Variants in RUFY1 observed in about 807,000 individuals in gnomAD.
RUFY1 encodes the protein RUN and FYVE domain containing 1.
In RUFY1, 54 loss-of-function variants were observed where a neutral mutation model predicts 94.6. The observed-to-expected ratio is 0.57, with a 90% CI of 0.46 to 0.72. The LOEUF (loss-of-function observed/expected upper bound fraction) is 0.72. Ranked by LOEUF, RUFY1 falls within the 30% of genes least tolerant of loss-of-function variation. The pLI, the probability that RUFY1 is intolerant of heterozygous loss-of-function variation, is 0.00. For missense variants in RUFY1, 883 were observed against 883.9 expected (o/e 1.00, Z 0.01); for synonymous variants, 396 against 347.3 (o/e 1.14, Z -1.56).
At chr5:179,609,274 C>A (rs1767468565) in intron 17 of RUFY1, 102 bp from the exon 18 acceptor site, 2 of 1,229,026 alleles carry the variant, frequency 1.6e-6, no homozygotes, top group Non-Finnish European at 2.3e-6. Context: ...AACATAAGAA[C>A]CCATTCCCAG....
chr5:179,594,190 T>A (rs893355504), intron 11 of RUFY1, among the ~76,000 whole-genome samples: 2 of 151,686 alleles, frequency 1.3e-5, no homozygotes, highest in African/African-American at 4.8e-5. Flanking sequence ...TAATCCCAGA[T>A]ACTCAGAAGG....
Position 179,560,154 on chromosome 5 carries a change from A to T in RUFY1, c.440A>T (p.Gln147Leu), listed in dbSNP as rs754852607. 2.1e-5 allele frequency: 34 copies of T among 1,613,930 alleles called. No homozygotes were observed. The highest frequency in any genetic ancestry group is 5.9e-6 in the Non-Finnish European group (7 of 1,179,998). Residue 147 changes from glutamine (Q) to leucine (L), a missense_variant, in exon 2 of 18, where the codon CAG becomes CTG. By Grantham distance (113) the Gln-to-Leu change is moderately radical. Transcript: ENST00000319449. ...SLDADHAPLQ[Q>L]FFVVMEHCLK... ...GATGCGGACCATGCCCCCTTGCAGC[A>T]GTTCTTTGTAGTGATGGAGCACTGC... is the stretch of plus-strand genomic sequence containing the variant.
chr5:179,570,438 A>T (rs1763141871), intron 5 of RUFY1, among the ~76,000 whole-genome samples: 1 of 152,182 alleles, frequency 6.6e-6, no homozygotes, highest in African/African-American at 2.4e-5. Context: ...AATGGCACAA[A>T]GGAGAGTAAC....
Position 179,609,362 on chromosome 5 carries a change from T to C in RUFY1, c.1984-14T>C, listed in dbSNP as rs1427224513. Reference sequence around the variant, plus strand: ...CCCCGGGTGTCCTGTGACCGCCTTCTTCCCGTCCTGTAGCACCACTGCCGG... The same window carrying C: ...CCCCGGGTGTCCTGTGACCGCCTTCCTCCCGTCCTGTAGCACCACTGCCGG... On this transcript the variant is annotated splice_polypyrimidine_tract_variant and intron_variant, in intron 17 of 17. Transcript: ENST00000319449. 6.2e-7 allele frequency: 1 copy of C among 1,612,370 alleles called. No individual in the cohort carries two copies. Among genetic ancestry groups the C allele is most frequent in the African/African-American group, 1.3e-5 (1 of 75,004 alleles).
intron 1 of RUFY1, chr5:179,559,712 G>C: frequency 9.4e-7 from 1 of 1,067,126 alleles, no homozygotes; most frequent in Middle Eastern, 4.3e-4. Context: ...CCGGGGTTGC[G>C]GGAGAAGCCA....
In RUFY1 at chr5:179,605,208, G is replaced by C. The variant is rs187565415; in HGVS notation, c.1857-668G>C. On this transcript the variant is annotated intron_variant, in intron 15 of 17. Transcript: ENST00000319449. ...GTGAGAGGATCACTTGAGCCCAGGA[G>C]GTCAAGGTTGCAGTGAGCCATGATT... Among the ~76,000 whole-genome samples, 572 of 151,152 alleles carry C rather than the reference G, an allele frequency of 3.8e-3. 1 individual carries two copies. Among genetic ancestry groups the C allele is most frequent in the Non-Finnish European group, 6.5e-3 (439 of 67,856 alleles).
intron 14 of RUFY1, among the ~76,000 whole-genome samples, chr5:179,601,231 C>A (rs886577395): frequency 5.3e-5 from 8 of 150,958 alleles, no homozygotes; most frequent in South Asian, 4.2e-4. Flanking sequence ...TACAGTAGCA[C>A]CATCTCGGCT....
At chr5:179,597,270 C>T (rs1386826081) in intron 13 of RUFY1, among the ~76,000 whole-genome samples, 2 of 151,978 alleles carry the variant, frequency 1.3e-5, no homozygotes, top group Non-Finnish European at 2.9e-5. Context: ...GAGTCTCACT[C>T]TCTTGCCCAG....
intron 6 of RUFY1, among the ~76,000 whole-genome samples, chr5:179,579,583 C>T (rs1293109402): frequency 6.6e-6 from 1 of 151,010 alleles, no homozygotes; most frequent in Admixed American, 6.7e-5. Flanking sequence ...CCATCTGCCT[C>T]AGCCTCCCAA....
chr5:179,605,278 CAAA>C (rs35410796), intron 15 of RUFY1, among the ~76,000 whole-genome samples: 10 of 130,626 alleles, frequency 7.7e-5, no homozygotes, highest in Admixed American at 1.6e-4. Flanking sequence ...GATCCTGTCT[CAAA>C]AAAAAAAAAA....
At position 179,580,241 on chromosome 5, in the gene RUFY1, G is replaced by GTGTGTGTATATATATA. The variant is rs149099074; in HGVS notation, c.891-705_891-704insGTGTGTATATATATAT. 3.4e-4 allele frequency among the ~76,000 whole-genome samples: 32 copies of GTGTGTGTATATATATA among 93,882 alleles called. No individual in the cohort carries two copies. The East Asian group carries it at 5.3e-3, about 15-fold the overall frequency. 61.6% of individuals were successfully genotyped at this position (93,882 alleles called of 152,430 possible). A position where few individuals can be genotyped will look rare whatever the true frequency, so the allele number is the denominator to read the frequency against. On this transcript the variant is annotated intron_variant, in intron 6 of 17. Transcript: ENST00000319449. ...TGTGTGTGTGTGTGTGTGTGTGTGT[G>GTGTGTGTATATATATA]TATATTTTTTTTTTTTTTTGAGACG...
chr5:179,566,011 G>A (rs990734765), intron 3 of RUFY1, among the ~76,000 whole-genome samples: 4 of 151,864 alleles, frequency 2.6e-5, no homozygotes, highest in East Asian at 3.9e-4. Context: ...GTGGTAGCAC[G>A]TGCCTGCTGT....
chr5:179,576,168 CT>C (rs1763597201), intron 5 of RUFY1, among the ~76,000 whole-genome samples: 1 of 152,176 alleles, frequency 6.6e-6, no homozygotes, highest in Non-Finnish European at 1.5e-5. Flanking sequence ...TTGATTTCAA[CT>C]TTTCTCTATT....
intron 6 of RUFY1, among the ~76,000 whole-genome samples, chr5:179,580,241 G>GTGTGTATATATATATA (rs149099074): frequency 1.6e-4 from 15 of 93,852 alleles, no homozygotes; most frequent in Non-Finnish European, 3.3e-4. Flanking sequence ...GTGTGTGTGT[G>GTGTGTATATATATATA]TATATTTTTT....
In RUFY1 at chr5:179,593,590, G is replaced by A. The variant is rs200339000; in HGVS notation, c.1358G>A (p.Arg453His). ...AAGCAGGACACACTAGTTGCCCTCCGCCAGCAGCTGGAAGAAGTCAAAGCG... is the reference window on the plus strand; with the variant it reads ...AAGCAGGACACACTAGTTGCCCTCCACCAGCAGCTGGAAGAAGTCAAAGCG... ...HEKQDTLVALRQQLEEVKAIN... is the reference protein window; with the variant it reads ...HEKQDTLVALHQQLEEVKAIN... Residue 453 changes from arginine to histidine, a missense_variant, in exon 11 of 18, where the codon CGC becomes CAC. Physicochemically the swap from Arg to His is conservative, Grantham distance 29. Transcript: ENST00000319449. 1.3e-4 allele frequency: 207 copies of A among 1,613,988 alleles called. 1 individual carries two copies. Among genetic ancestry groups the A allele is most frequent in the Non-Finnish European group, 1.6e-4 (183 of 1,179,996 alleles).
At chr5:179,555,572 A>G in intron 1 of RUFY1, 1 of 377,442 alleles carries the variant, frequency 2.6e-6, no homozygotes, top group Non-Finnish European at 5.2e-6. Context: ...TGCCTGGAAC[A>G]CTGGTCTTAA....
At chr5:179,607,545 A>C in intron 16 of RUFY1, 37 bp from the exon 17 acceptor site, 1 of 1,593,332 alleles carries the variant, frequency 6.3e-7, no homozygotes, top group Non-Finnish European at 8.6e-7. Flanking sequence ...AGGGGCTTAG[A>C]CAGAAAGTGG....
chr5:179,558,149 T>C (rs1020863170), intron 1 of RUFY1, among the ~76,000 whole-genome samples: 2 of 152,232 alleles, frequency 1.3e-5, no homozygotes, highest in African/African-American at 4.8e-5. Flanking sequence ...ATTGCTTTTA[T>C]GGTTATTGCT....
chr5:179,550,639 C>G lies in RUFY1; in HGVS notation c.70C>G (p.Pro24Ala). 1 of 1,379,378 alleles carries G rather than the reference C, an allele frequency of 7.2e-7. No homozygotes were observed. Among genetic ancestry groups the G allele is most frequent in the Non-Finnish European group, 9.3e-7 (1 of 1,077,242 alleles). The allele number at this position is 1,379,378 out of a possible 1,614,324, so 85.4% of individuals were successfully genotyped here. ...RELEPELEPGPGPGSALEPGE... is the reference protein window; with the variant it reads ...RELEPELEPGAGPGSALEPGE... ...GCTGGAGCCGGAGCTGGAGCCGGGG[C>G]CGGGGCCCGGGTCAGCGCTTGAGCC... Residue 24 changes from proline (P) to alanine (A), a missense_variant, in exon 1 of 18, where the codon CCG (proline) becomes GCG (alanine). Physicochemically the swap from Pro to Ala is conservative, Grantham distance 27. Transcript: ENST00000319449.
Sources: gnomAD v4.1 joint callset for allele counts (sites outside exome capture counted in the v4.1 genomes callset) on GRCh38, gnomAD v4.1.1 for gene constraint, MANE v1.5 for transcripts, NCBI Gene and HGNC (gene_info 2026-07-23, HGNC 2026-07-21) for gene names.